PCDHGA1: variants seen among roughly 807,000 people sequenced by gnomAD.
PCDHGA1 encodes the protein protocadherin gamma-A1.
In PCDHGA1, 32 loss-of-function variants were observed where a neutral mutation model predicts 58.0. The ratio of observed to expected loss-of-function variants is 0.55; its 90% CI spans 0.42 to 0.74. The LOEUF (loss-of-function observed/expected upper bound fraction) is 0.74, where lower values mean the gene tolerates loss of function less well. PCDHGA1 is among the 30% of genes least tolerant of loss of function. PCDHGA1 has a pLI of 0.00. For missense variants in PCDHGA1, 1,205 were observed against 1,182.3 expected (o/e 1.02, Z -0.28); for synonymous variants, 498 against 501.1 (o/e 0.99, Z 0.08).
chr5:141,347,062 C>T (rs1469415681), intron 1 of PCDHGA1, among the ~76,000 whole-genome samples: 1 of 149,700 alleles, frequency 6.7e-6, no homozygotes, highest in African/African-American at 2.5e-5. Flanking sequence ...CTCCTTCCTT[C>T]CTTCCTTCCT....
intron 1 of PCDHGA1, chr5:141,372,106 G>T: frequency 6.2e-7 from 1 of 1,613,828 alleles, no homozygotes; most frequent in Non-Finnish European, 8.5e-7. Flanking sequence ...GGGCCCGAAG[G>T]CTCTGCGCTC....
At chr5:141,410,086 G>T in intron 1 of PCDHGA1, 1 of 1,612,588 alleles carries the variant, frequency 6.2e-7, no homozygotes, top group Non-Finnish European at 8.5e-7. Flanking sequence ...AGGTGCGCAC[G>T]GCTCGAGCCT....
chr5:141,459,117 T>A (rs1489347692), intron 1 of PCDHGA1, among the ~76,000 whole-genome samples: 1 of 152,224 alleles, frequency 6.6e-6, no homozygotes, highest in Non-Finnish European at 1.5e-5. Flanking sequence ...GACAATTGTT[T>A]ACATCTGTGT....
intron 1 of PCDHGA1, chr5:141,340,035 C>T (rs1756901233): frequency 6.2e-7 from 1 of 1,614,142 alleles, no homozygotes; most frequent in Non-Finnish European, 8.5e-7. Context: ...GCTACTAGCT[C>T]AGTTTCTGAA....
At position 141,393,204 on chromosome 5, in the gene PCDHGA1, C is replaced by G. The variant is rs373432896; in HGVS notation, c.2421+60099C>G. On this transcript the variant is annotated intron_variant, in intron 1 of 3. Transcript: ENST00000517417. ...AATAATTGATATTAACGATAATAAC[C>G]CAAAATTCCAGGTCGAAGATCTAGA... 7 of 1,613,342 alleles carry G rather than the reference C, an allele frequency of 4.3e-6. No homozygotes were observed. In the East Asian group the frequency reaches 1.6e-4, roughly 36 times the overall value.
At chr5:141,337,355 A>C (rs1756675322) in intron 1 of PCDHGA1, among the ~76,000 whole-genome samples, 1 of 152,234 alleles carries the variant, frequency 6.6e-6, no homozygotes, top group African/African-American at 2.4e-5. Flanking sequence ...CAATAGTTGA[A>C]AAGTGGAAGT....
At position 141,331,277 on chromosome 5, in the gene PCDHGA1, G is replaced by T. The variant is rs1274790125; in HGVS notation, c.593G>T (p.Ser198Ile). ...CAACATCCAGAGATGGTGCTGCAGA[G>T]TCCCTTAGACAGAGAAGAAGAAGCT... ...GPQHPEMVLQSPLDREEEAVH... is the reference protein window; with the variant it reads ...GPQHPEMVLQIPLDREEEAVH... Residue 198 changes from serine (S) to isoleucine (I), a missense_variant, in exon 1 of 4, where the codon AGT (serine) becomes ATT (isoleucine). Ser to Ile is a moderately radical substitution (Grantham distance 142). Coordinates refer to ENST00000517417, the MANE Select transcript of PCDHGA1 (RefSeq NM_018912.3). 6.2e-7 allele frequency: 1 copy of T among 1,614,112 alleles called. No individual in the cohort carries two copies. Among genetic ancestry groups the T allele is most frequent in the Non-Finnish European group, 8.5e-7 (1 of 1,180,034 alleles).
At chr5:141,351,417 T>A (rs1401695634) in intron 1 of PCDHGA1, 1 of 1,611,340 alleles carries the variant, frequency 6.2e-7, no homozygotes, top group African/African-American at 1.3e-5. Flanking sequence ...CAGGAAGAAG[T>A]TCCTTTCAAA....
At position 141,433,356 on chromosome 5, in the gene PCDHGA1, T is replaced by A. The variant is rs549297958; in HGVS notation, c.2422-61451T>A. On this transcript the variant is annotated intron_variant, in intron 1 of 3. Transcript: ENST00000517417. ...CTACAGGTGCAAGCCACCTACTGTC[T>A]GCCTATCTATCTATCTATCTATCTA... The A allele has an allele frequency of 8.4e-5, 51 of 607,892 alleles. No homozygotes were observed. The African/African-American group carries it at 9.5e-4, about 11-fold the overall frequency. 37.7% of individuals were successfully genotyped at this position (607,892 alleles called of 1,614,324 possible).
chr5:141,487,751 G>A lies in PCDHGA1; in HGVS notation c.2422-7056G>A. ...CACCATTTTTGTAAGAGGTAACTAT[G>A]TGGTAGACGCTGTGCTTTGTAACTG... On this transcript the variant is annotated intron_variant, in intron 1 of 3. Coordinates refer to ENST00000517417, the MANE Select transcript of PCDHGA1 (RefSeq NM_018912.3). This position sits in a 1 kb window ranked among gnomAD's most constrained non-coding sequence, Gnocchi z 5.0. 1 of 1,555,004 alleles carries A rather than the reference G, an allele frequency of 6.4e-7. No homozygotes were observed.
At chr5:141,340,688 A>G in intron 1 of PCDHGA1, 1 of 1,614,140 alleles carries the variant, frequency 6.2e-7, no homozygotes, top group Non-Finnish European at 8.5e-7. Flanking sequence ...AGACGGTTCC[A>G]CTGGCGTGGA....
intron 1 of PCDHGA1, chr5:141,399,717 C>T (rs748626326): frequency 3.1e-6 from 5 of 1,613,320 alleles, no homozygotes; most frequent in Non-Finnish European, 4.2e-6. Context: ...CACTACAGGC[C>T]CGCGACCAGG....
chr5:141,405,599 A>G, intron 1 of PCDHGA1: 2 of 575,638 alleles, frequency 3.5e-6, no homozygotes, highest in South Asian at 4.5e-5. Flanking sequence ...CCTCCCAAGT[A>G]GAATAACTGG....
chr5:141,356,126 A>T (rs751862164), intron 1 of PCDHGA1: 1 of 1,613,926 alleles, frequency 6.2e-7, no homozygotes. Context: ...GGTCTAGATT[A>T]TGAGGACTCT....
At chr5:141,401,802 A>C (rs1030250595) in intron 1 of PCDHGA1, among the ~76,000 whole-genome samples, 162 of 152,148 alleles carry the variant, frequency 1.1e-3, no homozygotes, top group African/African-American at 3.7e-3. Context: ...TGATTCAGTA[A>C]ATGGGTTCCT....
intron 1 of PCDHGA1, chr5:141,471,433 T>C (rs2099257619): frequency 6.6e-6 from 1 of 152,162 alleles, no homozygotes; most frequent in African/African-American, 2.4e-5. Flanking sequence ...GGAAAGTGTA[T>C]AATCTCATGT....
chr5:141,497,730 G>T (rs13182286), intron 2 of PCDHGA1, among the ~76,000 whole-genome samples: 247 of 152,136 alleles, frequency 1.6e-3, no homozygotes, highest in Non-Finnish European at 2.8e-3. Flanking sequence ...AGTAGAGATG[G>T]GTTTCGCCAC....
intron 1 of PCDHGA1, chr5:141,399,723 C>T: frequency 6.2e-7 from 1 of 1,613,322 alleles, no homozygotes; most frequent in Non-Finnish European, 8.5e-7. Flanking sequence ...AGGCCCGCGA[C>T]CAGGGCTCGC....
In PCDHGA1 at chr5:141,477,406, A is replaced by G. The variant is rs1004061582; in HGVS notation, c.2422-17401A>G. The G allele has an allele frequency of 6.2e-7, 1 of 1,614,154 alleles. No individual in the cohort carries two copies. Among genetic ancestry groups the G allele is most frequent in the Non-Finnish European group, 8.5e-7 (1 of 1,180,040 alleles). The stretch of plus-strand genomic sequence containing the variant: ...AATACAACCTCAGCATCACCGCCCG[A>G]GACGCCGGAACCCCTTCCCTCTCAG... On this transcript the variant is annotated intron_variant, in intron 1 of 3. Transcript: ENST00000517417. The surrounding 1 kb of genome is among the most constrained non-coding windows in gnomAD (Gnocchi z 4.9).
Sources: allele counts gnomAD v4.1 joint callset (sites outside exome capture counted in the v4.1 genomes callset), GRCh38; gene constraint gnomAD v4.1.1; non-coding constraint Gnocchi (gnomAD v3.1); transcripts MANE v1.5; gene names NCBI Gene and HGNC (gene_info 2026-07-23, HGNC 2026-07-21).